Variants in GPR89A observed in about 807,000 individuals in gnomAD.
GPR89A encodes G protein-coupled receptor 89A.
Under a neutral mutation model 52.0 loss-of-function variants are expected in GPR89A, and 16 were observed. The observed-to-expected ratio is 0.31, with a 90% confidence interval of 0.21 to 0.47. GPR89A has a LOEUF of 0.47. GPR89A is among the 20% of genes least tolerant of loss of function. The probability of loss-of-function intolerance (pLI) is 1.00; values close to 1 mark genes in which losing one functional copy is unlikely to be tolerated. For missense variants in GPR89A, 135 were observed against 449.4 expected (o/e 0.30, Z 6.33); for synonymous variants, 55 against 150.9 (o/e 0.36, Z 4.66).
rs1226926191 is a variant in GPR89A, at chr1:145,657,317, G to C, written c.910-6012G>C. 1.4e-4 allele frequency among the ~76,000 whole-genome samples: 21 copies of C among 147,864 alleles called. 1 individual carries two copies. Among genetic ancestry groups the C allele is most frequent in the African/African-American group, 5.4e-4 (21 of 39,092 alleles). ...ATGGTGGGAGGATCGCTTGAGCCCA[G>C]AAGTCCAAGGCCTCAGTGAGCTATT... On this transcript the variant is annotated intron_variant, in intron 10 of 13. Transcript: ENST00000313835.
intron 10 of GPR89A, among the ~76,000 whole-genome samples, chr1:145,656,060 C>T (rs1651784910): frequency 6.6e-6 from 1 of 152,056 alleles, no homozygotes; most frequent in South Asian, 2.1e-4. Flanking sequence ...AGCGGTCTGG[C>T]CACAGTCTGC....
intron 5 of GPR89A, among the ~76,000 whole-genome samples, chr1:145,629,637 T>G (rs1208725435): frequency 6.6e-6 from 1 of 152,034 alleles, no homozygotes; most frequent in African/African-American, 2.4e-5. Flanking sequence ...AGTGTTAGAC[T>G]GATCCAGAGT....
At chr1:145,617,163 G>A (rs1419462951) in intron 2 of GPR89A, among the ~76,000 whole-genome samples, 5 of 152,036 alleles carry the variant, frequency 3.3e-5, no homozygotes, top group Non-Finnish European at 5.9e-5. Context: ...CTCCCAGAGC[G>A]GCCATTCATA....
chr1:145,648,794 TG>T (rs1559042689), intron 10 of GPR89A, among the ~76,000 whole-genome samples: 2 of 704 alleles, frequency 2.8e-3, no homozygotes, highest in African/African-American at 0.016. Context: ...TAGGGAAGCA[TG>T]TTCTTTTTTT....
At chr1:145,637,704 C>T (rs1650344953) in intron 7 of GPR89A, among the ~76,000 whole-genome samples, 1 of 151,748 alleles carries the variant, frequency 6.6e-6, no homozygotes, top group African/African-American at 2.4e-5. Flanking sequence ...CAAATATATT[C>T]AAAAAAGTGA....
chr1:145,627,558 A>G (rs1443517176), intron 5 of GPR89A, among the ~76,000 whole-genome samples: 1 of 152,236 alleles, frequency 6.6e-6, no homozygotes, highest in Non-Finnish European at 1.5e-5. Flanking sequence ...CATTACACAA[A>G]TATTTATTGA....
chr1:145,649,040 G>A (rs1212025188), intron 10 of GPR89A, among the ~76,000 whole-genome samples: 8 of 151,790 alleles, frequency 5.3e-5, no homozygotes, highest in African/African-American at 1.7e-4. Flanking sequence ...TCCTGACCTC[G>A]TGATCCGCCT....
At chr1:145,658,536 G>A (rs1215828839) in intron 10 of GPR89A, among the ~76,000 whole-genome samples, 2 of 149,302 alleles carry the variant, frequency 1.3e-5, no homozygotes, top group African/African-American at 4.9e-5. Flanking sequence ...CTGAGGCGGG[G>A]GAGGATCGCT....
chr1:145,621,634 A>G (rs1215095502), intron 3 of GPR89A, among the ~76,000 whole-genome samples: 4 of 150,118 alleles, frequency 2.7e-5, no homozygotes, highest in Non-Finnish European at 6.0e-5. Context: ...AAGAAAGTGA[A>G]CCAACATTCC....
chr1:145,657,364 T>C (rs1651877622), intron 10 of GPR89A, among the ~76,000 whole-genome samples: 1 of 148,578 alleles, frequency 6.7e-6, no homozygotes. Context: ...GCACTCCAGC[T>C]TGAATGACAG....
At chr1:145,657,555 G>A (rs1651892193) in intron 10 of GPR89A, among the ~76,000 whole-genome samples, 1 of 152,152 alleles carries the variant, frequency 6.6e-6, no homozygotes, top group Admixed American at 6.5e-5. Flanking sequence ...AGTATGTGTG[G>A]AGATGTTGTT....
intron 3 of GPR89A, among the ~76,000 whole-genome samples, chr1:145,621,139 T>C (rs1171615404): frequency 6.6e-6 from 1 of 151,616 alleles, no homozygotes; most frequent in African/African-American, 2.4e-5. Flanking sequence ...CTGCCATCTG[T>C]ACTAAGGAAG....
intron 7 of GPR89A, among the ~76,000 whole-genome samples, chr1:145,633,923 G>A (rs1429390716): frequency 3.3e-5 from 5 of 150,168 alleles, no homozygotes; most frequent in Non-Finnish European, 7.4e-5. Flanking sequence ...AAATACTTAG[G>A]GATAAATTTG....
chr1:145,619,677 G>A (rs1364339655), intron 3 of GPR89A, among the ~76,000 whole-genome samples: 1 of 151,990 alleles, frequency 6.6e-6, no homozygotes, highest in Non-Finnish European at 1.5e-5. Context: ...ATGTATTATG[G>A]TAAAATAGAA....
intron 5 of GPR89A, among the ~76,000 whole-genome samples, chr1:145,628,964 G>A (rs1473341096): frequency 6.6e-6 from 1 of 152,038 alleles, no homozygotes; most frequent in African/African-American, 2.4e-5. Flanking sequence ...AGCAAAGAAG[G>A]AAATATTGAA....
Position 145,608,158 on chromosome 1 carries a change from A to G in GPR89A, c.25A>G (p.Ile9Val). Residue 9 changes from isoleucine (I) to valine (V), a missense_variant, in exon 1 of 14, where the codon ATC (isoleucine) becomes GTC (valine). Ile to Val is a conservative substitution (Grantham distance 29). Transcript: ENST00000313835. ...CATGAGTTTCCTCATCGACTCCAGC[A>G]TCATGATTACCTCCCAGGTGAGTCA... is the stretch of plus-strand genomic sequence containing the variant. Reference protein sequence around the residue: MSFLIDSSIMITSQILFFG... With the variant: MSFLIDSSVMITSQILFFG... The G allele has an allele frequency of 6.2e-7, 1 of 1,613,756 alleles. No homozygotes were observed. The highest frequency in any genetic ancestry group is 8.5e-7 in the Non-Finnish European group (1 of 1,179,842).
chr1:145,667,101 A>C (rs1652617037), intron 12 of GPR89A, among the ~76,000 whole-genome samples: 1 of 152,210 alleles, frequency 6.6e-6, no homozygotes, highest in African/African-American at 2.4e-5. Context: ...GTATATACCC[A>C]GTAATGGGAT....
At chr1:145,616,625 A>G (rs1359491660) in intron 2 of GPR89A, among the ~76,000 whole-genome samples, 4 of 152,202 alleles carry the variant, frequency 2.6e-5, no homozygotes, top group African/African-American at 7.2e-5. Flanking sequence ...CTGGCCCTGA[A>G]TTGCAAACCT....
intron 7 of GPR89A, among the ~76,000 whole-genome samples, chr1:145,636,093 G>C (rs1650222458): frequency 1.3e-5 from 2 of 151,952 alleles, no homozygotes; most frequent in African/African-American, 4.8e-5. Flanking sequence ...TGCATTGTCT[G>C]GTCAGGATCA....
Sources: gnomAD v4.1 joint callset for allele counts (sites outside exome capture counted in the v4.1 genomes callset) on GRCh38, gnomAD v4.1.1 for gene constraint, MANE v1.5 for transcripts, NCBI Gene and HGNC (gene_info 2026-07-23, HGNC 2026-07-21) for gene names.